Variants in CPSF2 observed in about 807,000 individuals in gnomAD.
CPSF2 encodes the protein cleavage and polyadenylation specificity factor subunit 2.
CPSF2 carries 51 observed loss-of-function variants against 84.2 expected under a neutral mutation model. That is an observed-to-expected ratio of 0.61 (90% CI 0.48 to 0.77). CPSF2 has a LOEUF of 0.77. Among genes scored for constraint, CPSF2 ranks in the 30% least tolerant of loss-of-function variants. The pLI is 0.00. For missense variants in CPSF2, 641 were observed against 929.4 expected, an observed-to-expected ratio of 0.69 and a Z score of 4.03; for synonymous variants, 286 against 311.9, an observed-to-expected ratio of 0.92 and a Z score of 0.87.
intron 9 of CPSF2, among the ~76,000 whole-genome samples, chr14:92,145,104 A>T (rs2069126471): frequency 6.6e-6 from 1 of 152,238 alleles, no homozygotes; most frequent in Non-Finnish European, 1.5e-5. Flanking sequence ...AGCAATTGAT[A>T]TAGTGGGATG....
Position 92,170,129 on chromosome 14 carries a change from C to G in CPSF2, c.*8385C>G, listed in dbSNP as rs1268932831. On this transcript the variant is annotated 3_prime_UTR_variant, in exon 16 of 16. Transcript: ENST00000298875. ...CCTGGGTGACAGAGTGAGACCCTGTCTCAAAAACAACAAAAATCTCAGTGT... is the reference window on the plus strand; with the variant it reads ...CCTGGGTGACAGAGTGAGACCCTGTGTCAAAAACAACAAAAATCTCAGTGT... The G allele has an allele frequency of 1.3e-5, 2 of 152,164 alleles. No individual in the cohort carries two copies. Among genetic ancestry groups the G allele is most frequent in the African/African-American group, 4.8e-5 (2 of 41,442 alleles). 9.4% of individuals were successfully genotyped at this position (152,164 alleles called of 1,614,324 possible).
rs1387179980 is a variant in CPSF2, at chr14:92,162,064, A to C, written c.*320A>C. The C allele has an allele frequency of 3.4e-5, 6 of 174,116 alleles. No homozygotes were observed. In the East Asian group the frequency reaches 6.1e-4, roughly 18 times the overall value. The allele number at this position is 174,116 out of a possible 1,614,324, so 10.8% of individuals were successfully genotyped here. A position where few individuals can be genotyped will look rare whatever the true frequency, so the allele number is the denominator to read the frequency against. On this transcript the variant is annotated 3_prime_UTR_variant, in exon 16 of 16. Transcript: ENST00000298875. ...ATAAAACAATGCAACTTAGCAAACCAATTTATGGCCTTAGAGAAACATTTT... is the reference window on the plus strand; with the variant it reads ...ATAAAACAATGCAACTTAGCAAACCCATTTATGGCCTTAGAGAAACATTTT...
chr14:92,149,745 T>C (rs1383591395), intron 9 of CPSF2, among the ~76,000 whole-genome samples: 1 of 152,046 alleles, frequency 6.6e-6, no homozygotes, highest in Non-Finnish European at 1.5e-5. Flanking sequence ...AACCTCCGCC[T>C]CCCAGGTTCA....
At chr14:92,135,536 G>A in intron 6 of CPSF2, 40 bp downstream of exon 6, 1 of 1,548,112 alleles carries the variant, frequency 6.5e-7, no homozygotes, top group Non-Finnish European at 8.7e-7. Flanking sequence ...AATGCAATTG[G>A]TATTATTTTA....
At chr14:92,133,220 GACCACCCTAACCAACATAGAGA>G (rs2141455637) in intron 3 of CPSF2, among the ~76,000 whole-genome samples, 1 of 152,144 alleles carries the variant, frequency 6.6e-6, no homozygotes, top group East Asian at 1.9e-4. Flanking sequence ...GGGAGTTCGA[GACCACCCTAACCAACATAGAGA>G]AACCCCATCT....
chr14:92,146,594 T>TAC (rs2069147421), intron 9 of CPSF2, among the ~76,000 whole-genome samples: 2 of 152,250 alleles, frequency 1.3e-5, no homozygotes, highest in Non-Finnish European at 2.9e-5. Context: ...GTGTTAACTA[T>TAC]ATGTACATTG....
At chr14:92,151,403 A>G (rs183114882) in intron 9 of CPSF2, among the ~76,000 whole-genome samples, 82 of 151,694 alleles carry the variant, frequency 5.4e-4, no homozygotes, top group African/African-American at 2.0e-3. Context: ...AAAACAAAAC[A>G]AAACAAAACA....
chr14:92,160,720 G>A (rs528478843), intron 14 of CPSF2, among the ~76,000 whole-genome samples: 17 of 152,294 alleles, frequency 1.1e-4, no homozygotes, highest in African/African-American at 4.1e-4. Flanking sequence ...GGATTGGGGA[G>A]GAAACGTCTT....
chr14:92,144,735 C>T (rs943120261), intron 9 of CPSF2, among the ~76,000 whole-genome samples: 2 of 152,216 alleles, frequency 1.3e-5, no homozygotes, highest in Admixed American at 6.5e-5. Flanking sequence ...AACTTCACAT[C>T]TCAAAAGGGG....
At chr14:92,150,405 A>C (rs1169397519) in intron 9 of CPSF2, among the ~76,000 whole-genome samples, 1 of 150,718 alleles carries the variant, frequency 6.6e-6, no homozygotes, top group African/African-American at 2.4e-5. Flanking sequence ...TACAGGCGCG[A>C]GTCACCGCAC....
At chr14:92,133,343 T>C (rs11844432) in intron 3 of CPSF2, among the ~76,000 whole-genome samples, 77,757 of 151,594 alleles carry the variant, frequency 0.51, 21,452 homozygotes, top group East Asian at 0.98. Context: ...CGCTTGAACC[T>C]GGGAGGCAGA....
chr14:92,152,381 G>A lies in CPSF2; in HGVS notation c.1141-1977G>A, dbSNP rs149947250. Among the ~76,000 whole-genome samples the A allele has an allele frequency of 5.4e-3, 819 of 152,048 alleles. 4 individuals carry two copies. The highest frequency in any genetic ancestry group is 0.019 in the African/African-American group (775 of 41,482). On this transcript the variant is annotated intron_variant, in intron 9 of 15. Coordinates refer to ENST00000298875, the MANE Select transcript of CPSF2 (RefSeq NM_017437.3). ...CGACCTTAGGTGATCTGCCCGCCTC[G>A]ACCTCCCACAGTGCTGGGATTACAG...
chr14:92,165,659 C>G lies in CPSF2; in HGVS notation c.*3915C>G, dbSNP rs945260171. ...TCCATTTTCAATTTGTTTATCTTTA[C>G]TGTTGAGATGTAAGAGTTTTTTTAT... On this transcript the variant is annotated 3_prime_UTR_variant, in exon 16 of 16. Coordinates refer to ENST00000298875, the MANE Select transcript of CPSF2 (RefSeq NM_017437.3). 6 of 151,596 alleles carry G rather than the reference C, an allele frequency of 4.0e-5. No homozygotes were observed. Among genetic ancestry groups the G allele is most frequent in the African/African-American group, 1.5e-4 (6 of 41,242 alleles). 9.4% of individuals were successfully genotyped at this position (151,596 alleles called of 1,614,324 possible). A position where few individuals can be genotyped will look rare whatever the true frequency, so the allele number is the denominator to read the frequency against.
At chr14:92,152,281 C>A (rs1349037809) in intron 9 of CPSF2, among the ~76,000 whole-genome samples, 1 of 151,822 alleles carries the variant, frequency 6.6e-6, no homozygotes, top group Non-Finnish European at 1.5e-5. Context: ...AGGCATGTGC[C>A]ATCACGCCCG....
chr14:92,138,827 A>G (rs1360946187), intron 7 of CPSF2, among the ~76,000 whole-genome samples: 1 of 152,196 alleles, frequency 6.6e-6, no homozygotes, highest in Non-Finnish European at 1.5e-5. Flanking sequence ...CCCAATGTAT[A>G]ATGTCCTTTT....
At chr14:92,129,676 A>G (rs2068889828) in intron 2 of CPSF2, among the ~76,000 whole-genome samples, 1 of 152,108 alleles carries the variant, frequency 6.6e-6, no homozygotes, top group African/African-American at 2.4e-5. Flanking sequence ...AATAGCACAC[A>G]GTTCCAGGTT....
At chr14:92,137,928 A>G (rs1288579114) in intron 6 of CPSF2, among the ~76,000 whole-genome samples, 1 of 152,198 alleles carries the variant, frequency 6.6e-6, no homozygotes. Context: ...AGTACTTACC[A>G]TAAGACAGGG....
chr14:92,136,538 A>C (rs2069001498), intron 6 of CPSF2, among the ~76,000 whole-genome samples: 1 of 152,084 alleles, frequency 6.6e-6, no homozygotes, highest in African/African-American at 2.4e-5. Flanking sequence ...AGTAATGTGA[A>C]CCTGTGATCA....
rs1156383018 is a variant in CPSF2, at chr14:92,140,578, G to A, written c.662-1586G>A. On this transcript the variant is annotated intron_variant, in intron 7 of 15. Transcript: ENST00000298875. Reference sequence around the variant, plus strand: ...CTCCCGAGTAGCTGGGATTACAGGCGTGTGCAACCATGCCCGGCTAATTTT... The same window carrying A: ...CTCCCGAGTAGCTGGGATTACAGGCATGTGCAACCATGCCCGGCTAATTTT... Among the ~76,000 whole-genome samples the A allele has an allele frequency of 7.9e-5, 12 of 151,520 alleles. No homozygotes were observed. The East Asian group carries it at 1.6e-3, about 20-fold the overall frequency.
Sources: gnomAD v4.1 joint callset for allele counts (sites outside exome capture counted in the v4.1 genomes callset) on GRCh38, gnomAD v4.1.1 for gene constraint, MANE v1.5 for transcripts, NCBI Gene and HGNC (gene_info 2026-07-23, HGNC 2026-07-21) for gene names.